Variants in HTR1F observed in about 807,000 individuals in gnomAD.
HTR1F encodes the protein 5-hydroxytryptamine receptor 1F.
Under a neutral mutation model 24.0 loss-of-function variants are expected in HTR1F, and 17 were observed. That is an observed-to-expected ratio of 0.71 (90% confidence interval 0.48 to 1.06). The LOEUF (loss-of-function observed/expected upper bound fraction) is 1.06, where lower values mean the gene tolerates loss of function less well. Among genes scored for constraint, HTR1F ranks in the 50% least tolerant of loss-of-function variants. The pLI is 0.00. For missense variants in HTR1F, 391 were observed against 427.8 expected (o/e 0.91, Z 0.76); for synonymous variants, 186 against 156.8 (o/e 1.19, Z -1.39).
chr3:87,892,982 T>A (rs1285755672), intron 2 of HTR1F, among the ~76,000 whole-genome samples: 3 of 151,916 alleles, frequency 2.0e-5, no homozygotes, highest in Admixed American at 6.6e-5. Flanking sequence ...AAGAAAAAAA[T>A]ATATATATGT....
At chr3:87,951,809 A>C (rs1191400593) in intron 2 of HTR1F, among the ~76,000 whole-genome samples, 3 of 151,944 alleles carry the variant, frequency 2.0e-5, no homozygotes, top group Non-Finnish European at 4.4e-5. Context: ...CTGGCCTAAA[A>C]ATCCTCTATA....
intron 2 of HTR1F, among the ~76,000 whole-genome samples, chr3:87,867,747 T>G (rs769329033): frequency 6.6e-6 from 1 of 152,132 alleles, no homozygotes; most frequent in Non-Finnish European, 1.5e-5. Context: ...AGTGTTCTAA[T>G]TTTCTTCACT....
chr3:87,982,613 G>A (rs1399038940), intron 2 of HTR1F, among the ~76,000 whole-genome samples: 1 of 152,164 alleles, frequency 6.6e-6, no homozygotes, highest in Non-Finnish European at 1.5e-5. Context: ...AGAGTCAAGA[G>A]CCTGGAGGGC....
intron 2 of HTR1F, among the ~76,000 whole-genome samples, chr3:87,849,453 T>C (rs1305272727): frequency 1.3e-5 from 2 of 151,832 alleles, no homozygotes; most frequent in Non-Finnish European, 1.5e-5. Context: ...CTACAAAAAT[T>C]AATTCAAGAT....
intron 2 of HTR1F, among the ~76,000 whole-genome samples, chr3:87,834,721 A>C (rs1177249330): frequency 6.6e-6 from 1 of 152,232 alleles, no homozygotes; most frequent in African/African-American, 2.4e-5. Context: ...GGTGCTAAGA[A>C]GGGTTTTTAC....
chr3:87,901,951 G>A (rs1349705753), intron 2 of HTR1F, among the ~76,000 whole-genome samples: 1 of 151,968 alleles, frequency 6.6e-6, no homozygotes, highest in Non-Finnish European at 1.5e-5. Flanking sequence ...CTGAATAAAT[G>A]CAGTAATAAA....
At chr3:87,839,261 A>T (rs139611817) in intron 2 of HTR1F, among the ~76,000 whole-genome samples, 89 of 152,168 alleles carry the variant, frequency 5.8e-4, no homozygotes, top group Middle Eastern at 3.4e-3. Flanking sequence ...AGTGTAAGAT[A>T]AGGGCCTAAT....
At chr3:87,825,800 G>A (rs1704450719) in intron 2 of HTR1F, among the ~76,000 whole-genome samples, 1 of 152,126 alleles carries the variant, frequency 6.6e-6, no homozygotes, top group African/African-American at 2.4e-5. Context: ...TATACCCAAT[G>A]ACAGAGGTAC....
At chr3:87,816,889 T>TA (rs1178121865) in intron 1 of HTR1F, among the ~76,000 whole-genome samples, 2 of 152,132 alleles carry the variant, frequency 1.3e-5, no homozygotes, top group Non-Finnish European at 2.9e-5. Context: ...AACTTTTTTG[T>TA]GTTTTTGTTT....
intron 2 of HTR1F, among the ~76,000 whole-genome samples, chr3:87,850,567 C>G (rs1705062832): frequency 1.3e-5 from 2 of 151,486 alleles, no homozygotes; most frequent in Admixed American, 1.3e-4. Context: ...TGTAACAAAC[C>G]TGCACGTTGT....
chr3:87,936,948 G>C (rs1200631511), intron 2 of HTR1F, among the ~76,000 whole-genome samples: 1 of 151,744 alleles, frequency 6.6e-6, no homozygotes, highest in Non-Finnish European at 1.5e-5. Context: ...TCCCTGAACA[G>C]ACCAATAATG....
chr3:87,824,930 C>T (rs1428411808), intron 2 of HTR1F, among the ~76,000 whole-genome samples: 4 of 152,194 alleles, frequency 2.6e-5, no homozygotes, highest in African/African-American at 7.2e-5. Flanking sequence ...AGCCACCCCT[C>T]TCTAGCTTCT....
chr3:87,929,633 C>T (rs1333459307), intron 2 of HTR1F, among the ~76,000 whole-genome samples: 1 of 152,092 alleles, frequency 6.6e-6, no homozygotes, highest in Non-Finnish European at 1.5e-5. Context: ...TATTTCTGGG[C>T]TCTCTACTCA....
At chr3:87,823,283 TCTC>T (rs1704395823) in intron 2 of HTR1F, among the ~76,000 whole-genome samples, 1 of 152,168 alleles carries the variant, frequency 6.6e-6, no homozygotes, top group South Asian at 2.1e-4. Flanking sequence ...TGGTACCCAT[TCTC>T]CTTAGTATTA....
At chr3:87,941,429 A>G (rs1704565828) in intron 2 of HTR1F, among the ~76,000 whole-genome samples, 1 of 152,164 alleles carries the variant, frequency 6.6e-6, no homozygotes, top group Non-Finnish European at 1.5e-5. Flanking sequence ...AGCAGAGCTG[A>G]GCCTTTGGTT....
chr3:87,963,068 T>C (rs1705094926), intron 2 of HTR1F, among the ~76,000 whole-genome samples: 1 of 152,116 alleles, frequency 6.6e-6, no homozygotes, highest in Non-Finnish European at 1.5e-5. Flanking sequence ...ACTCTGATAA[T>C]GATATTTTAC....
intron 2 of HTR1F, among the ~76,000 whole-genome samples, chr3:87,969,287 G>A (rs552039798): frequency 2.6e-5 from 4 of 152,174 alleles, no homozygotes; most frequent in African/African-American, 9.7e-5. Context: ...GCTTGCGCCT[G>A]TGTGCCAGGA....
intron 2 of HTR1F, among the ~76,000 whole-genome samples, chr3:87,951,226 G>T (rs1704826205): frequency 6.6e-6 from 1 of 152,118 alleles, no homozygotes; most frequent in South Asian, 2.1e-4. Flanking sequence ...TATCAAAGAT[G>T]TCAAGCATAA....
intron 2 of HTR1F, among the ~76,000 whole-genome samples, chr3:87,891,313 C>T (rs1706081741): frequency 6.6e-6 from 1 of 151,626 alleles, no homozygotes; most frequent in African/African-American, 2.4e-5. Flanking sequence ...AAAAAAATGC[C>T]ATTCTCCATT....
Sources: allele counts gnomAD v4.1 joint callset (sites outside exome capture counted in the v4.1 genomes callset), GRCh38; gene constraint gnomAD v4.1.1; transcripts MANE v1.5; gene names NCBI Gene and HGNC (gene_info 2026-07-23, HGNC 2026-07-21).